Variants in MYH6 observed in about 807,000 individuals in gnomAD.
The protein encoded by MYH6 is myosin-6.
A neutral mutation model predicts 223.2 loss-of-function variants in MYH6; 126 were observed. That is an observed-to-expected ratio of 0.56 (90% confidence interval 0.49 to 0.65). The LOEUF (loss-of-function observed/expected upper bound fraction) is 0.65, where lower values mean the gene tolerates loss of function less well. Among genes scored for constraint, MYH6 ranks in the 30% least tolerant of loss-of-function variants. The probability of loss-of-function intolerance (pLI) is 0.00; values close to 1 mark genes in which losing one functional copy is unlikely to be tolerated. For missense variants in MYH6, 2,040 were observed against 2,536.4 expected (o/e 0.80, Z 4.20); for synonymous variants, 978 against 1,010.2 (o/e 0.97, Z 0.61).
chr14:23,388,333 T>C lies in MYH6; in HGVS notation c.4181A>G (p.Lys1394Arg). The C allele has an allele frequency of 6.2e-7, 1 of 1,612,986 alleles. No homozygotes were observed. Among genetic ancestry groups the C allele is most frequent in the Non-Finnish European group, 8.5e-7 (1 of 1,180,014 alleles). ...RTEELEEAKK[K>R]LAQRLQDAEE... ...GGCATCCTGCAGCCGCTGGGCCAGCTTCTTTCTGCCCAGGTGAGGGTGGAG... is the reference window on the plus strand; with the variant it reads ...GGCATCCTGCAGCCGCTGGGCCAGCCTCTTTCTGCCCAGGTGAGGGTGGAG... The change falls in exon 30 of 39, where the codon AAG (lysine) becomes AGG (arginine). Residue 1394 changes from lysine (K) to arginine (R), a missense_variant. Around this residue, in one of 4 missense-constraint regions of MYH6, gnomAD observed 1,203 missense variants for 1,400.2 expected, o/e 0.86. Coordinates refer to ENST00000405093, the MANE Select transcript of MYH6 (RefSeq NM_002471.4).
chr14:23,386,831 G>C (rs1193358487), intron 32 of MYH6, among the ~76,000 whole-genome samples: 2 of 152,248 alleles, frequency 1.3e-5, no homozygotes, highest in Non-Finnish European at 2.9e-5. Context: ...TCAAGAAAAG[G>C]GTTTGGACCT....
At chr14:23,396,880 C>A in intron 18 of MYH6, 63 bp from the exon 19 acceptor site, 1 of 1,612,864 alleles carries the variant, frequency 6.2e-7, no homozygotes, top group South Asian at 1.1e-5. Flanking sequence ...CCACAGAATT[C>A]CAGGGTCACC....
chr14:23,386,710 A>G (rs965966707), intron 32 of MYH6, 87 bp from the exon 33 acceptor site: 2 of 1,465,000 alleles, frequency 1.4e-6, no homozygotes, highest in Admixed American at 2.0e-5. Flanking sequence ...GTCAGCCAGG[A>G]CTATCGCCCA....
intron 12 of MYH6, among the ~76,000 whole-genome samples, chr14:23,402,122 T>A (rs1003101740): frequency 1.3e-5 from 2 of 152,146 alleles, no homozygotes; most frequent in Admixed American, 6.5e-5. Flanking sequence ...CCAAACAACA[T>A]GGTATGAGCC....
rs1346756028 is a variant in MYH6, at chr14:23,382,579, G to A, written c.5662-17C>T. 1 of 1,614,156 alleles carries A rather than the reference G, an allele frequency of 6.2e-7. No homozygotes were observed. The highest frequency in any genetic ancestry group is 1.3e-5 in the African/African-American group (1 of 75,032). On this transcript the variant is annotated splice_polypyrimidine_tract_variant and intron_variant, in intron 37 of 38. Transcript: ENST00000405093. ...TTGCTCCTCCTGTGGTGGGACAGTG[G>A]GGATGGGTGAATGAGCTGGAGATGG...
At position 23,402,688 on chromosome 14, in the gene MYH6, C is replaced by T. The variant is rs727504680; in HGVS notation, c.1002+9G>A. The T allele has an allele frequency of 6.2e-7, 1 of 1,613,668 alleles. No homozygotes were observed. Among genetic ancestry groups the T allele is most frequent in the Non-Finnish European group, 8.5e-7 (1 of 1,179,932 alleles). ...TCCCTCGAACGGCCGCAGCAGCCCC[C>T]TCACTCACATCGGTGGCCATGAGCT... On this transcript the variant is annotated intron_variant, in intron 11 of 38. Coordinates refer to ENST00000405093, the MANE Select transcript of MYH6 (RefSeq NM_002471.4).
chr14:23,399,380 A>C (rs1410062643), intron 14 of MYH6, among the ~76,000 whole-genome samples: 22 of 152,194 alleles, frequency 1.4e-4, no homozygotes, highest in Non-Finnish European at 1.5e-5. Context: ...GCACCGGGCC[A>C]GGCTCTGTCT....
Position 23,387,825 on chromosome 14 carries a change from G to A in MYH6, c.4458C>T (p.Leu1486=), listed in dbSNP as rs750388434. Residue 1486 remains leucine (L), a synonymous_variant, in exon 31 of 39, where the codon CTC becomes CTT. Coordinates refer to ENST00000405093, the MANE Select transcript of MYH6 (RefSeq NM_002471.4). ...CCAGGGACTCCTCGTAGGCGTTCTT[G>A]AGCTTGAAGAGCTCTGTGCTGAGGG... ...ARSLSTELFK[L]KNAYEESLEH... The A allele has an allele frequency of 6.2e-7, 1 of 1,614,068 alleles. No individual in the cohort carries two copies. The highest frequency in any genetic ancestry group is 8.5e-7 in the Non-Finnish European group (1 of 1,180,034).
chr14:23,393,400 T>C lies in MYH6; in HGVS notation c.3047A>G (p.Glu1016Gly). The change falls in exon 23 of 39, where the codon GAA (glutamate) becomes GGA (glycine). Residue 1016 changes from glutamate to glycine, a missense_variant. Physicochemically the swap from Glu to Gly is moderately conservative, Grantham distance 98 (BLOSUM62 -2). Around this residue, in one of 4 missense-constraint regions of MYH6, gnomAD observed 1,203 missense variants for 1,400.2 expected, o/e 0.86. Coordinates refer to ENST00000405093, the MANE Select transcript of MYH6 (RefSeq NM_002471.4). Reference sequence around the variant, plus strand: ...CTTGGACAGGCTGTTGACCTTGTCTTCCTCAACCTGAAGGTCATCCAGGGC... The same window carrying C: ...CTTGGACAGGCTGTTGACCTTGTCTCCCTCAACCTGAAGGTCATCCAGGGC... ...QQALDDLQVE[E>G]DKVNSLSKSK... The C allele has an allele frequency of 1.2e-6, 2 of 1,614,184 alleles. No individual in the cohort carries two copies. Among genetic ancestry groups the C allele is most frequent in the Non-Finnish European group, 1.7e-6 (2 of 1,180,034 alleles).
Position 23,389,614 on chromosome 14 carries a change from C to G in MYH6, c.3838G>C (p.Ala1280Pro). The change falls in exon 27 of 39, where the codon GCC becomes CCC. Residue 1280 changes from alanine to proline, a missense_variant. Physicochemically the swap from Ala to Pro is conservative, Grantham distance 27. Around this residue, in one of 4 missense-constraint regions of MYH6, gnomAD observed 1,203 missense variants for 1,400.2 expected, o/e 0.86. Coordinates refer to ENST00000405093, the MANE Select transcript of MYH6 (RefSeq NM_002471.4). Reference sequence around the variant, plus strand: ...CCACCATTCTCGGTCTGCAGCTTGGCTCGCTGGGTGGTGAAATCATTGAGG... The same window carrying G: ...CCACCATTCTCGGTCTGCAGCTTGGGTCGCTGGGTGGTGAAATCATTGAGG... ...RSLNDFTTQR[A>P]KLQTENGELA... is the part of the protein sequence containing the mutation. 1 of 1,614,232 alleles carries G rather than the reference C, an allele frequency of 6.2e-7. No homozygotes were observed. The highest frequency in any genetic ancestry group is 8.5e-7 in the Non-Finnish European group (1 of 1,180,042).
chr14:23,388,195 G>A lies in MYH6; in HGVS notation c.4319C>T (p.Ala1440Val). ...LMVDVERSNA[A>V]AAALDKKQRN... is the part of the protein sequence containing the mutation. ...CTGCTTCTTGTCCAGGGCTGCAGCA[G>A]CAGCATTGGAGCGCTCTACGTCCAC... Residue 1440 changes from alanine to valine, a missense_variant, in exon 30 of 39, where the codon GCT (alanine) becomes GTT (valine). Transcript: ENST00000405093. 6.2e-7 allele frequency: 1 copy of A among 1,612,394 alleles called. No individual in the cohort carries two copies. Among genetic ancestry groups the A allele is most frequent in the African/African-American group, 1.3e-5 (1 of 75,004 alleles).
rs71413985 is a variant in MYH6, at chr14:23,393,328, T to A, written c.3105+14A>T. The stretch of plus-strand genomic sequence containing the variant: ...TCTTGCTCTGAGAGCAGGAGCATGG[T>A]TCTTACTACTCACATCATCCACCTG... On this transcript the variant is annotated intron_variant, in intron 23 of 38. Coordinates refer to ENST00000405093, the MANE Select transcript of MYH6 (RefSeq NM_002471.4). The A allele has an allele frequency of 4.3e-6, 7 of 1,614,014 alleles. No homozygotes were observed. The highest frequency in any genetic ancestry group is 5.9e-6 in the Non-Finnish European group (7 of 1,180,016).
At chr14:23,400,687 A>G (rs1442508299) in intron 13 of MYH6, 22 bp downstream of exon 13, 1 of 1,613,880 alleles carries the variant, frequency 6.2e-7, no homozygotes, top group Admixed American at 1.7e-5. Context: ...TTGTTCTCCC[A>G]CTCCCAGGGG....
At chr14:23,385,104 C>T in intron 34 of MYH6, 63 bp from the exon 35 acceptor site, 1 of 1,607,040 alleles carries the variant, frequency 6.2e-7, no homozygotes, top group Non-Finnish European at 8.5e-7. Flanking sequence ...ATTTCATACC[C>T]TTTCTCCAGA....
chr14:23,386,756 T>A, intron 32 of MYH6, 133 bp from the exon 33 acceptor site: 1 of 1,120,382 alleles, frequency 8.9e-7, no homozygotes, highest in South Asian at 1.5e-5. Flanking sequence ...GGAGGTGGGA[T>A]CTGCACCCCA....
Position 23,394,277 on chromosome 14 carries a change from C to A in MYH6, c.2476G>T (p.Val826Phe). The A allele has an allele frequency of 6.2e-7, 1 of 1,614,214 alleles. No homozygotes were observed. The highest frequency in any genetic ancestry group is 8.5e-7 in the Non-Finnish European group (1 of 1,180,042). Residue 826 changes from valine (V) to phenylalanine (F), a missense_variant, in exon 21 of 39, where the codon GTC (valine) becomes TTC (phenylalanine). Coordinates refer to ENST00000405093, the MANE Select transcript of MYH6 (RefSeq NM_002471.4). ...IQWNIRAFMG[V>F]KNWPWMKLYF... Reference sequence around the variant, plus strand: ...AGCTTCATCCAGGGCCAATTCTTGACCCCCATGAAGGCCCGAATGTTCCAC... The same window carrying A: ...AGCTTCATCCAGGGCCAATTCTTGAACCCCATGAAGGCCCGAATGTTCCAC...
In MYH6 at chr14:23,389,381, A is replaced by G; in HGVS notation, c.3978+12T>C. 6.2e-7 allele frequency: 1 copy of G among 1,613,190 alleles called. No individual in the cohort carries two copies. The highest frequency in any genetic ancestry group is 8.5e-7 in the Non-Finnish European group (1 of 1,179,316). On this transcript the variant is annotated intron_variant, in intron 28 of 38. Coordinates refer to ENST00000405093, the MANE Select transcript of MYH6 (RefSeq NM_002471.4). ...GCCATCAAGCCTGCCCACCCTCCCC[A>G]CTGGGCCTCACCTTGCCCTCCTCCT...
chr14:23,385,260 T>C (rs1890986757), intron 34 of MYH6, among the ~76,000 whole-genome samples: 2 of 151,856 alleles, frequency 1.3e-5, no homozygotes, highest in African/African-American at 4.8e-5. Flanking sequence ...AAAAAAGACT[T>C]CAAATAGCAA....
intron 12 of MYH6, among the ~76,000 whole-genome samples, chr14:23,401,351 G>A (rs1027284784): frequency 4.6e-5 from 7 of 152,236 alleles, no homozygotes; most frequent in African/African-American, 1.7e-4. Context: ...CTGTCCTGGG[G>A]CCAAGACTTT....
Sources: allele counts gnomAD v4.1 joint callset (sites outside exome capture counted in the v4.1 genomes callset), GRCh38; gene constraint gnomAD v4.1.1; regional missense constraint gnomAD v4.1.1; transcripts MANE v1.5; gene names NCBI Gene and HGNC (gene_info 2026-07-23, HGNC 2026-07-21).